LONP2: variants seen among roughly 807,000 people sequenced by gnomAD.
The protein encoded by LONP2 is lon peptidase 2, peroxisomal.
In LONP2, 60 loss-of-function variants were observed where a neutral mutation model predicts 85.6. The observed-to-expected ratio is 0.70, with a 90% CI of 0.57 to 0.87. The LOEUF is 0.87. Among genes scored for constraint, LONP2 ranks in the 40% least tolerant of loss-of-function variants. LONP2 has a pLI of 0.00. For synonymous variants in LONP2, 395 were observed against 389.7 expected (o/e 1.01, Z -0.16); for missense variants, 860 against 1,063.5 (o/e 0.81, Z 2.66).
At position 48,258,357 on chromosome 16, in the gene LONP2, G is replaced by A. The variant is rs148575059; in HGVS notation, c.601-261G>A. 7.0e-3 allele frequency among the ~76,000 whole-genome samples: 936 copies of A among 133,736 alleles called. 6 individuals are homozygous for A. The highest frequency in any genetic ancestry group is 0.021 in the African/African-American group (783 of 36,494). The allele number at this position is 133,736 out of a possible 152,430, so 87.7% of individuals were successfully genotyped here. ...CAAGATTCCGTCTCAAAAAAAAAAA[G>A]AAAAAAAAAAACCACACAGCTTCAT... is the stretch of plus-strand genomic sequence containing the variant. On this transcript the variant is annotated intron_variant, in intron 3 of 14. Coordinates refer to ENST00000285737, the MANE Select transcript of LONP2 (RefSeq NM_031490.5).
At chr16:48,255,787 C>T (rs1372446300) in intron 2 of LONP2, among the ~76,000 whole-genome samples, 2 of 152,082 alleles carry the variant, frequency 1.3e-5, no homozygotes, top group African/African-American at 2.4e-5. Context: ...GCTGTCTTGC[C>T]TGCTACCATG....
chr16:48,311,361 CTT>C (rs568352293), intron 11 of LONP2, among the ~76,000 whole-genome samples: 6 of 140,758 alleles, frequency 4.3e-5, no homozygotes, highest in Non-Finnish European at 3.1e-5. Flanking sequence ...ATTCTTTTTT[CTT>C]TTTTTTTTTT....
At position 48,270,251 on chromosome 16, in the gene LONP2, T is replaced by A. The variant is rs918521403; in HGVS notation, c.1218T>A (p.Asp406Glu). 1.3e-5 allele frequency: 21 copies of A among 1,614,024 alleles called. No individual in the cohort carries two copies. The highest frequency in any genetic ancestry group is 1.7e-5 in the Non-Finnish European group (20 of 1,179,904). ...FHRIALGGVC[D>E]QSDIRGHRRT... is the part of the protein sequence containing the mutation. Reference sequence around the variant, plus strand: ...GGATTGCACTTGGAGGAGTATGTGATCAGTCTGACATTCGAGGACACAGGT... The same window carrying A: ...GGATTGCACTTGGAGGAGTATGTGAACAGTCTGACATTCGAGGACACAGGT... Residue 406 changes from aspartate to glutamate, a missense_variant, in exon 7 of 15, where the codon GAT (aspartate) becomes GAA (glutamate). Transcript: ENST00000285737.
chr16:48,334,430 A>AC, intron 12 of LONP2, 72 bp downstream of exon 12: 1 of 1,569,084 alleles, frequency 6.4e-7, no homozygotes, highest in Non-Finnish European at 8.8e-7. Context: ...CCAGGGCCGT[A>AC]GGGCCTGGGC....
At chr16:48,292,495 C>T (rs1255317410) in intron 8 of LONP2, among the ~76,000 whole-genome samples, 3 of 152,184 alleles carry the variant, frequency 2.0e-5, no homozygotes, top group African/African-American at 4.8e-5. Flanking sequence ...TTTCCTTTCA[C>T]ACTCTTCCTG....
At chr16:48,287,090 C>T (rs761842940) in intron 8 of LONP2, among the ~76,000 whole-genome samples, 44 of 152,150 alleles carry the variant, frequency 2.9e-4, no homozygotes, top group Non-Finnish European at 4.0e-4. Flanking sequence ...ACAGAGATTT[C>T]CTTAAGTACC....
chr16:48,284,379 A>G (rs1449066384), intron 8 of LONP2, among the ~76,000 whole-genome samples: 1 of 152,254 alleles, frequency 6.6e-6, no homozygotes, highest in Non-Finnish European at 1.5e-5. Context: ...AATGCAGGCT[A>G]TAAGAAATTG....
chr16:48,303,188 G>A lies in LONP2; in HGVS notation c.1678G>A (p.Gly560Arg), dbSNP rs1972841322. ...TGATGACAGGTATACCAGAGAGGCA[G>A]GGGTTCGTTCTCTGGATAGAAAACT... Reference protein sequence around the residue: ...DIITRYTREAGVRSLDRKLGA... With the variant: ...DIITRYTREARVRSLDRKLGA... The change falls in exon 11 of 15, where the codon GGG becomes AGG. Residue 560 changes from glycine (G) to arginine (R), a missense_variant. By Grantham distance (125) the Gly-to-Arg change is moderately radical. Coordinates refer to ENST00000285737, the MANE Select transcript of LONP2 (RefSeq NM_031490.5). The A allele has an allele frequency of 6.2e-7, 1 of 1,614,004 alleles. No individual in the cohort carries two copies. Among genetic ancestry groups the A allele is most frequent in the South Asian group, 1.1e-5 (1 of 91,074 alleles).
rs1971876396 is a variant in LONP2, at chr16:48,261,537, A to T, written c.837A>T (p.Thr279=). The change falls in exon 5 of 15, where the codon ACA becomes ACT. Residue 279 remains threonine (T), a synonymous_variant. Coordinates refer to ENST00000285737, the MANE Select transcript of LONP2 (RefSeq NM_031490.5). ...TCATGCTAGAGAAAAAAATACGAAC[A>T]TCTAGTATGCCAGAGCAGGCCCATA... ...DIVMLEKKIR[T]SSMPEQAHKV... 1.9e-6 allele frequency: 3 copies of T among 1,607,048 alleles called. No homozygotes were observed. In the South Asian group the frequency reaches 3.3e-5, roughly 18 times the overall value.
intron 11 of LONP2, among the ~76,000 whole-genome samples, chr16:48,327,244 A>G (rs1959263937): frequency 2.0e-5 from 3 of 152,230 alleles, no homozygotes; most frequent in Admixed American, 1.3e-4. Context: ...TAATAGGCCA[A>G]TAATACCTAG....
In LONP2 at chr16:48,303,142, C is replaced by A. The variant is rs1972840519; in HGVS notation, c.1662-30C>A. 6 of 1,611,152 alleles carry A rather than the reference C, an allele frequency of 3.7e-6. No individual in the cohort carries two copies. The South Asian group carries it at 4.4e-5, about 12-fold the overall frequency. On this transcript the variant is annotated intron_variant, in intron 10 of 14. Coordinates refer to ENST00000285737, the MANE Select transcript of LONP2 (RefSeq NM_031490.5). Reference sequence around the variant, plus strand: ...TCTATTTTTTTAAGTGGTATATAGTCAAAAATAAAATATTTTTGTTTGATG... The same window carrying A: ...TCTATTTTTTTAAGTGGTATATAGTAAAAAATAAAATATTTTTGTTTGATG...
chr16:48,272,191 T>A (rs1466104345), intron 7 of LONP2, among the ~76,000 whole-genome samples: 1 of 152,232 alleles, frequency 6.6e-6, no homozygotes, highest in African/African-American at 2.4e-5. Flanking sequence ...TAAATTCTAT[T>A]AATAAATTCT....
At chr16:48,277,226 A>G (rs1972226944) in intron 7 of LONP2, 112 bp from the exon 8 acceptor site, 1 of 993,748 alleles carries the variant, frequency 1.0e-6, no homozygotes. Context: ...TCTTTGCTAT[A>G]TTATAGTGAT....
chr16:48,360,841 G>A (rs1014503136), downstream of LONP2: 2 of 152,196 alleles, frequency 1.3e-5, no homozygotes, highest in African/African-American at 4.8e-5. Flanking sequence ...CCTTATAGAT[G>A]CTTTAAATAG....
intron 2 of LONP2, among the ~76,000 whole-genome samples, chr16:48,255,140 A>G (rs560470898): frequency 1.3e-5 from 2 of 152,296 alleles, no homozygotes; most frequent in South Asian, 2.1e-4. Flanking sequence ...TTGCTATGTT[A>G]ACTTCTCTGA....
rs773118535 is a variant in LONP2, at chr16:48,258,695, A to G, written c.678A>G (p.Lys226=). The G allele has an allele frequency of 6.2e-6, 10 of 1,612,630 alleles. No individual in the cohort carries two copies. Among genetic ancestry groups the G allele is most frequent in the Admixed American group, 3.3e-5 (2 of 59,790 alleles). ...TTGTCAGACAAATTGAAGGCCTGAA[A>G]TTGCTTCAAAAAACCAGAAAACCCA... ...PLLVRQIEGL[K]LLQKTRKPKQ... The change falls in exon 4 of 15, where the codon AAA becomes AAG. Residue 226 remains lysine (K), a synonymous_variant. Coordinates refer to ENST00000285737, the MANE Select transcript of LONP2 (RefSeq NM_031490.5).
At chr16:48,317,723 G>A (rs1480417025) in intron 11 of LONP2, among the ~76,000 whole-genome samples, 2 of 152,224 alleles carry the variant, frequency 1.3e-5, no homozygotes, top group Non-Finnish European at 2.9e-5. Context: ...CTGTAAGTTG[G>A]AGAAAAGGCT....
intron 1 of LONP2, among the ~76,000 whole-genome samples, chr16:48,246,681 C>T (rs1014492532): frequency 1.3e-5 from 2 of 152,124 alleles, no homozygotes; most frequent in African/African-American, 4.8e-5. Flanking sequence ...CTCAAGTGAT[C>T]GTCCTGCCTC....
chr16:48,360,321 G>T (rs1407382679), downstream of LONP2, among the ~76,000 whole-genome samples: 4 of 152,184 alleles, frequency 2.6e-5, no homozygotes, highest in Non-Finnish European at 5.9e-5. Flanking sequence ...CCTGACAGTT[G>T]TAAGAATCAA....
Sources: allele counts gnomAD v4.1 joint callset (sites outside exome capture counted in the v4.1 genomes callset), GRCh38; gene constraint gnomAD v4.1.1; transcripts MANE v1.5; gene names NCBI Gene and HGNC (gene_info 2026-07-23, HGNC 2026-07-21).